The following USP48 variants were observed in gnomAD, a reference collection of about 807,000 sequenced individuals.
USP48 encodes the protein ubiquitin carboxyl-terminal hydrolase 48.
Under a neutral mutation model 150.7 loss-of-function variants are expected in USP48, and 43 were observed. That is an observed-to-expected ratio of 0.29 (90% CI 0.22 to 0.37). The LOEUF is 0.37. Ranked by LOEUF, USP48 falls within the 10% of genes least tolerant of loss-of-function variation. The probability of loss-of-function intolerance (pLI) is 1.00; values close to 1 mark genes in which losing one functional copy is unlikely to be tolerated. For missense variants in USP48, 813 were observed against 1,249.6 expected (o/e 0.65, Z 5.27); for synonymous variants, 396 against 425.9 (o/e 0.93, Z 0.86).
intron 3 of USP48, among the ~76,000 whole-genome samples, chr1:21,756,170 AT>A (rs763390556): frequency 8.8e-4 from 133 of 150,726 alleles, no homozygotes; most frequent in Non-Finnish European, 1.4e-3. Context: ...TCTTAAAAAA[AT>A]AATAATAATA....
chr1:21,692,838 C>T (rs762632734), intron 23 of USP48, among the ~76,000 whole-genome samples: 3 of 152,110 alleles, frequency 2.0e-5, no homozygotes, highest in South Asian at 4.1e-4. Flanking sequence ...GATGAACACA[C>T]GCTTCTAGAG....
intron 9 of USP48, among the ~76,000 whole-genome samples, chr1:21,733,458 T>C (rs748686025): frequency 1.3e-5 from 2 of 152,106 alleles, no homozygotes; most frequent in African/African-American, 2.4e-5. Flanking sequence ...ATGTTAATGA[T>C]TTTGTATAAG....
At chr1:21,681,869 A>G (rs2097566865) in intron 25 of USP48, among the ~76,000 whole-genome samples, 3 of 152,124 alleles carry the variant, frequency 2.0e-5, no homozygotes, top group Admixed American at 2.0e-4. Context: ...GTAAATTCTT[A>G]AAGACCTGTA....
At chr1:21,688,263 G>T (rs2097585014) in intron 24 of USP48, among the ~76,000 whole-genome samples, 1 of 152,012 alleles carries the variant, frequency 6.6e-6, no homozygotes, top group African/African-American at 2.4e-5. Context: ...CTGTTGCCCA[G>T]GCTGGAGTGC....
chr1:21,783,101 G>A lies in USP48; in HGVS notation c.-144C>T, dbSNP rs1020372932. The A allele has an allele frequency of 1.9e-5, 23 of 1,229,298 alleles. No individual in the cohort carries two copies. Among genetic ancestry groups the A allele is most frequent in the Non-Finnish European group, 2.4e-5 (23 of 954,218 alleles). The allele number at this position is 1,229,298 out of a possible 1,614,324, so 76.1% of individuals were successfully genotyped here. On this transcript the variant is annotated 5_prime_UTR_variant, in exon 1 of 27. Transcript: ENST00000308271. ...CAGCTGGCCAGTCAATCACCTGTGC[G>A]CGCCACTGCCGCCGCGCCCGCCCGC...
intron 12 of USP48, 121 bp downstream of exon 12, chr1:21,723,777 G>A: frequency 1.2e-6 from 1 of 832,464 alleles, no homozygotes; most frequent in East Asian, 2.5e-5. Context: ...TGTGCAAAGT[G>A]TAAGGAATAT....
chr1:21,694,572 CAAAA>C (rs1204062748), intron 23 of USP48, among the ~76,000 whole-genome samples: 5 of 12,024 alleles, frequency 4.2e-4, no homozygotes, highest in African/African-American at 1.8e-3. Flanking sequence ...TCTGTCTCAC[CAAAA>C]AAAAAAAAAA....
At position 21,706,561 on chromosome 1, in the gene USP48, T is replaced by C; in HGVS notation, c.2117A>G (p.Glu706Gly). 1 of 1,614,242 alleles carries C rather than the reference T, an allele frequency of 6.2e-7. No homozygotes were observed. The highest frequency in any genetic ancestry group is 8.5e-7 in the Non-Finnish European group (1 of 1,180,030). Reference protein sequence around the residue: ...KILEREGEENEALHKMIANEQ... With the variant: ...KILEREGEENGALHKMIANEQ... ...GTTTGCAATCATCTTATGTAAGGCT[T>C]CATTTTCTTCCCCTTCTCTTTCTAA... Residue 706 changes from glutamate to glycine, a missense_variant, in exon 17 of 27, where the codon GAA (glutamate) becomes GGA (glycine). Coordinates refer to ENST00000308271, the MANE Select transcript of USP48 (RefSeq NM_032236.8).
intron 10 of USP48, among the ~76,000 whole-genome samples, chr1:21,729,180 G>T (rs977734457): frequency 1.3e-5 from 2 of 152,168 alleles, no homozygotes; most frequent in Non-Finnish European, 2.9e-5. Context: ...CTACTCGGGA[G>T]GCTGAGGCAC....
chr1:21,745,418 T>TAA (rs112976470), intron 8 of USP48, among the ~76,000 whole-genome samples: 1 of 150,428 alleles, frequency 6.6e-6, no homozygotes, highest in Admixed American at 6.6e-5. Flanking sequence ...ACCCCGTCTC[T>TAA]AAAAAAAAAT....
At chr1:21,778,202 C>G (rs1283132487) in intron 1 of USP48, among the ~76,000 whole-genome samples, 4 of 151,068 alleles carry the variant, frequency 2.6e-5, no homozygotes, top group Admixed American at 2.6e-4. Flanking sequence ...TAACAAAAGG[C>G]AACTCAATTT....
intron 1 of USP48, among the ~76,000 whole-genome samples, 160 bp from the exon 2 acceptor site, chr1:21,757,943 C>T (rs2097840953): frequency 1.3e-5 from 2 of 152,134 alleles, no homozygotes; most frequent in Non-Finnish European, 2.9e-5. Context: ...AGAAAGCATG[C>T]ATATACTGCT....
chr1:21,779,038 C>T (rs1226442405), intron 1 of USP48, among the ~76,000 whole-genome samples: 2 of 151,942 alleles, frequency 1.3e-5, no homozygotes, highest in African/African-American at 4.8e-5. Flanking sequence ...GCCTTGGCCT[C>T]CCACAGTGCT....
At chr1:21,692,625 AAGC>A (rs2097605883) in intron 23 of USP48, among the ~76,000 whole-genome samples, 1 of 152,166 alleles carries the variant, frequency 6.6e-6, no homozygotes, top group Non-Finnish European at 1.5e-5. Context: ...ATTTAATAAG[AAGC>A]TACCGTGTGT....
intron 8 of USP48, among the ~76,000 whole-genome samples, chr1:21,745,545 G>A (rs911505127): frequency 6.6e-6 from 1 of 152,096 alleles, no homozygotes; most frequent in African/African-American, 2.4e-5. Flanking sequence ...GGGCGACAGA[G>A]CCAGACCCTG....
intron 1 of USP48, among the ~76,000 whole-genome samples, chr1:21,779,060 C>A (rs975957671): frequency 6.6e-6 from 1 of 151,898 alleles, no homozygotes; most frequent in Non-Finnish European, 1.5e-5. Context: ...AGGTTACAGG[C>A]GTGAGCCACC....
intron 21 of USP48, among the ~76,000 whole-genome samples, 157 bp downstream of exon 21, chr1:21,703,355 C>T (rs1193323725): frequency 1.3e-5 from 2 of 152,194 alleles, no homozygotes; most frequent in African/African-American, 2.4e-5. Flanking sequence ...CATAACTGTT[C>T]ATTTTCAATT....
chr1:21,774,898 C>A (rs1350286433), intron 1 of USP48, among the ~76,000 whole-genome samples: 1 of 151,216 alleles, frequency 6.6e-6, no homozygotes, highest in Non-Finnish European at 1.5e-5. Flanking sequence ...GGCTGAGGCC[C>A]AAGAATCACT....
At chr1:21,712,870 C>T (rs10917037) in intron 15 of USP48, among the ~76,000 whole-genome samples, 72,819 of 151,748 alleles carry the variant, frequency 0.48, 17,948 homozygotes, top group East Asian at 0.65. Context: ...TCAACTGATC[C>T]GCCTGCCTCA....
Sources: allele counts gnomAD v4.1 joint callset (sites outside exome capture counted in the v4.1 genomes callset), GRCh38; gene constraint gnomAD v4.1.1; transcripts MANE v1.5; gene names NCBI Gene and HGNC (gene_info 2026-07-23, HGNC 2026-07-21).